The following CAMTA1 variants were observed in gnomAD, a reference collection of about 807,000 sequenced individuals.
CAMTA1 encodes the protein calmodulin binding transcription activator 1, also known as calmodulin-binding transcription activator 1.
Under a neutral mutation model 170.9 loss-of-function variants are expected in CAMTA1, and 27 were observed. The ratio of observed to expected loss-of-function variants is 0.16; its 90% CI spans 0.12 to 0.22. CAMTA1 has a LOEUF of 0.22. CAMTA1 is among the 10% of genes least tolerant of loss of function. CAMTA1 has a pLI of 1.00. For synonymous variants in CAMTA1, 833 were observed against 891.5 expected (o/e 0.93, Z 1.17); for missense variants, 1,619 against 2,217.2 (o/e 0.73, Z 5.42).
At position 7,334,679 on chromosome 1, in the gene CAMTA1, T is replaced by C. The variant is rs1029187104; in HGVS notation, c.438+85053T>C. Among the ~76,000 whole-genome samples the C allele has an allele frequency of 4.6e-4, 70 of 152,128 alleles. 1 individual carries two copies. Among genetic ancestry groups the C allele is most frequent in the African/African-American group, 1.6e-3 (66 of 41,420 alleles). Reference sequence around the variant, plus strand: ...TAAAGCTACAGATACGGTTTAAAAATATACTCACCAGATGTTAGTTTAAAA... The same window carrying C: ...TAAAGCTACAGATACGGTTTAAAAACATACTCACCAGATGTTAGTTTAAAA... On this transcript the variant is annotated intron_variant, in intron 5 of 22. Coordinates refer to ENST00000303635, the MANE Select transcript of CAMTA1 (RefSeq NM_015215.4).
chr1:7,356,012 A>G (rs1260671053), intron 5 of CAMTA1, among the ~76,000 whole-genome samples: 1 of 152,270 alleles, frequency 6.6e-6, no homozygotes, highest in Non-Finnish European at 1.5e-5. Flanking sequence ...GGGAACAGAA[A>G]GGTTCACCAA....
intron 3 of CAMTA1, among the ~76,000 whole-genome samples, chr1:6,861,350 G>T (rs1189935817): frequency 6.6e-6 from 1 of 152,196 alleles, no homozygotes; most frequent in African/African-American, 2.4e-5. Flanking sequence ...TTTGGCAGCA[G>T]AAGTTGTAGG....
At chr1:7,017,167 A>G (rs1277169944) in intron 3 of CAMTA1, among the ~76,000 whole-genome samples, 3 of 152,208 alleles carry the variant, frequency 2.0e-5, no homozygotes, top group Non-Finnish European at 4.4e-5. Context: ...TCCTGGTGCT[A>G]CAGAAGAATG....
intron 5 of CAMTA1, among the ~76,000 whole-genome samples, chr1:7,454,483 T>C (rs1210363566): frequency 6.6e-6 from 1 of 152,238 alleles, no homozygotes; most frequent in South Asian, 2.1e-4. Context: ...TGATTCAGTG[T>C]CGCGGCCACT....
At chr1:7,488,928 C>T (rs754665035) in intron 6 of CAMTA1, among the ~76,000 whole-genome samples, 58 of 152,210 alleles carry the variant, frequency 3.8e-4, no homozygotes, top group Middle Eastern at 3.4e-3. Context: ...CCCATGCACA[C>T]GTCACACACA....
intron 1 of CAMTA1, chr1:6,807,020 A>G (rs1264824037): frequency 3.0e-6 from 2 of 671,530 alleles, no homozygotes; most frequent in Admixed American, 2.1e-5. Context: ...GTCCTTATGG[A>G]GCTAAGGGGG....
In CAMTA1 at chr1:7,680,980, A is replaced by C. The variant is rs1263487609; in HGVS notation, c.2914+3247A>C. Among the ~76,000 whole-genome samples the C allele has an allele frequency of 6.6e-6, 1 of 151,218 alleles. No homozygotes were observed. The highest frequency in any genetic ancestry group is 1.5e-5 in the Non-Finnish European group (1 of 67,704). Reference sequence around the variant, plus strand: ...CGCCCTGCGGAGGGCGATCGTCCCCACGTTGGGGCCGGGGGGCAGGGACCC... The same window carrying C: ...CGCCCTGCGGAGGGCGATCGTCCCCCCGTTGGGGCCGGGGGGCAGGGACCC... On this transcript the variant is annotated intron_variant, in intron 11 of 22. Coordinates refer to ENST00000303635, the MANE Select transcript of CAMTA1 (RefSeq NM_015215.4). The surrounding 1 kb of genome is among the most constrained non-coding windows in gnomAD (Gnocchi z 4.4).
chr1:7,123,140 T>C (rs1644743188), intron 4 of CAMTA1, among the ~76,000 whole-genome samples: 1 of 152,120 alleles, frequency 6.6e-6, no homozygotes, highest in Non-Finnish European at 1.5e-5. Context: ...CACATCTGGG[T>C]AGCTTCAACA....
At chr1:6,872,485 A>G (rs1042282670) in intron 3 of CAMTA1, among the ~76,000 whole-genome samples, 7 of 152,206 alleles carry the variant, frequency 4.6e-5, no homozygotes, top group Admixed American at 4.6e-4. Context: ...CTCTTTTAAT[A>G]TTTTATTTCT....
intron 4 of CAMTA1, among the ~76,000 whole-genome samples, chr1:7,120,589 A>G (rs1390490199): frequency 6.6e-6 from 1 of 152,206 alleles, no homozygotes; most frequent in African/African-American, 2.4e-5. Flanking sequence ...GTTGGTGAGA[A>G]GCAAAGCTCA....
intron 6 of CAMTA1, among the ~76,000 whole-genome samples, chr1:7,546,254 C>G (rs1371030474): frequency 6.6e-6 from 1 of 152,190 alleles, no homozygotes; most frequent in Non-Finnish European, 1.5e-5. Flanking sequence ...CTGCGCCCGG[C>G]CTGGTTTTCT....
chr1:6,915,384 A>G (rs184562919), intron 3 of CAMTA1, among the ~76,000 whole-genome samples: 1 of 152,268 alleles, frequency 6.6e-6, no homozygotes, highest in East Asian at 1.9e-4. Flanking sequence ...GGATTTCTGC[A>G]TTTTATAATT....
At position 7,412,582 on chromosome 1, in the gene CAMTA1, C is replaced by T. The variant is rs531666110; in HGVS notation, c.439-55248C>T. ...CTTTTGAGAAGTGTCTGTTCATATC[C>T]TTCGCCCACTTTTTGATGGGGTTGT... On this transcript the variant is annotated intron_variant, in intron 5 of 22. Coordinates refer to ENST00000303635, the MANE Select transcript of CAMTA1 (RefSeq NM_015215.4). Among the ~76,000 whole-genome samples the T allele has an allele frequency of 2.6e-5, 4 of 151,140 alleles. No homozygotes were observed. The South Asian group carries it at 8.7e-4, about 33-fold the overall frequency.
At chr1:7,131,922 G>A (rs1330439448) in intron 4 of CAMTA1, among the ~76,000 whole-genome samples, 8 of 152,104 alleles carry the variant, frequency 5.3e-5, no homozygotes, top group Non-Finnish European at 8.8e-5. Flanking sequence ...CGGCATGGTG[G>A]CACATGCCTG....
rs568773636 is a variant in CAMTA1 at position 7,455,139 on chromosome 1, G to A, written c.439-12691G>A. Reference sequence around the variant, plus strand: ...CACATTTGTTTTCAGGGGAAGGGGCGCTGCTGTGCAGACCCTGCTAAGTCT... The same window carrying A: ...CACATTTGTTTTCAGGGGAAGGGGCACTGCTGTGCAGACCCTGCTAAGTCT... On this transcript the variant is annotated intron_variant, in intron 5 of 22. Transcript: ENST00000303635. The surrounding 1 kb of genome is among the most constrained non-coding windows in gnomAD (Gnocchi z 5.0). Among the ~76,000 whole-genome samples, 2 of 152,234 alleles carry A rather than the reference G, an allele frequency of 1.3e-5. No homozygotes were observed. The highest frequency in any genetic ancestry group is 2.4e-5 in the African/African-American group (1 of 41,562).
chr1:6,899,962 T>TGATC (rs1294395730), intron 3 of CAMTA1, among the ~76,000 whole-genome samples: 4 of 152,260 alleles, frequency 2.6e-5, no homozygotes, highest in Non-Finnish European at 5.9e-5. Context: ...TTGTTGCTGT[T>TGATC]GGATTGTCAG....
intron 1 of CAMTA1, among the ~76,000 whole-genome samples, chr1:6,808,836 C>G (rs1397606960): frequency 6.6e-6 from 1 of 152,048 alleles, no homozygotes; most frequent in Non-Finnish European, 1.5e-5. Flanking sequence ...GCTCGCATGG[C>G]TGAGGAGTGT....
intron 3 of CAMTA1, among the ~76,000 whole-genome samples, chr1:6,923,804 C>T (rs150890190): frequency 1.3e-5 from 2 of 152,330 alleles, no homozygotes; most frequent in African/African-American, 4.8e-5. Flanking sequence ...CAGATAGACA[C>T]CTTTACCTTC....
At chr1:6,855,947 A>G (rs1284794226) in intron 3 of CAMTA1, among the ~76,000 whole-genome samples, 2 of 152,144 alleles carry the variant, frequency 1.3e-5, no homozygotes, top group Non-Finnish European at 2.9e-5. Flanking sequence ...GGCATGTCAT[A>G]CTAGTGGAAC....
Sources: allele counts gnomAD v4.1 joint callset (sites outside exome capture counted in the v4.1 genomes callset), GRCh38; gene constraint gnomAD v4.1.1; non-coding constraint Gnocchi (gnomAD v3.1); transcripts MANE v1.5; gene names NCBI Gene and HGNC (gene_info 2026-07-23, HGNC 2026-07-21).